VSTM5: variants seen among roughly 807,000 people sequenced by gnomAD.
VSTM5 encodes the protein V-set and transmembrane domain-containing protein 5.
Under a neutral mutation model 20.3 loss-of-function variants are expected in VSTM5, and 21 were observed. The observed-to-expected ratio is 1.03, with a 90% CI of 0.73 to 1.49. The LOEUF is 1.49. VSTM5 is among the 40% of genes most tolerant of loss of function. VSTM5 has a pLI of 0.00. For missense variants in VSTM5, 219 were observed against 250.0 expected (o/e 0.88, Z 0.84); for synonymous variants, 100 against 102.5 (o/e 0.98, Z 0.14).
chr11:93,829,546 G>T (rs1157212866), intron 1 of VSTM5, among the ~76,000 whole-genome samples: 1 of 152,108 alleles, frequency 6.6e-6, no homozygotes, highest in Non-Finnish European at 1.5e-5. Flanking sequence ...AAGAAAAAAA[G>T]AAATATTGAA....
chr11:93,829,649 C>A (rs575618726), intron 1 of VSTM5, among the ~76,000 whole-genome samples: 15 of 152,298 alleles, frequency 9.8e-5, no homozygotes, highest in African/African-American at 3.6e-4. Context: ...CCAGCCCTGA[C>A]AGGCTGAGGG....
intron 1 of VSTM5, among the ~76,000 whole-genome samples, chr11:93,836,706 G>C (rs1011928792): frequency 6.6e-6 from 1 of 152,170 alleles, no homozygotes; most frequent in Non-Finnish European, 1.5e-5. Context: ...CAGTTTGTAA[G>C]TATACACTTG....
intron 1 of VSTM5, among the ~76,000 whole-genome samples, chr11:93,838,684 C>T (rs1298758721): frequency 1.3e-5 from 2 of 149,370 alleles, no homozygotes; most frequent in Non-Finnish European, 3.0e-5. Context: ...GTGTTCCCAG[C>T]TACTGGGGAG....
intron 1 of VSTM5, among the ~76,000 whole-genome samples, chr11:93,833,927 C>T (rs913324814): frequency 6.6e-6 from 1 of 151,998 alleles, no homozygotes; most frequent in Non-Finnish European, 1.5e-5. Flanking sequence ...TCCCCTTGGC[C>T]TCATCAGTCC....
chr11:93,846,769 T>TA (rs1944414193), intron 1 of VSTM5, among the ~76,000 whole-genome samples: 2 of 84,206 alleles, frequency 2.4e-5, no homozygotes, highest in South Asian at 8.1e-4. Context: ...TTTTTTAATT[T>TA]TTTTTTTTTT....
At chr11:93,846,336 A>G (rs991139822) in intron 1 of VSTM5, among the ~76,000 whole-genome samples, 18 of 152,180 alleles carry the variant, frequency 1.2e-4, no homozygotes, top group African/African-American at 4.3e-4. Flanking sequence ...CATACTCAGG[A>G]AGGCTCTTGG....
intron 1 of VSTM5, among the ~76,000 whole-genome samples, chr11:93,843,786 G>A (rs1159008555): frequency 5.3e-5 from 8 of 152,150 alleles, no homozygotes. Flanking sequence ...ACAGACCTCA[G>A]TAATCTGGTC....
chr11:93,846,794 G>C (rs1944415435), intron 1 of VSTM5, among the ~76,000 whole-genome samples: 1 of 141,880 alleles, frequency 7.0e-6, no homozygotes, highest in Admixed American at 7.5e-5. Context: ...TTGAGATGGA[G>C]TCTCACTCTG....
At chr11:93,841,522 C>T (rs188222878) in intron 1 of VSTM5, among the ~76,000 whole-genome samples, 41 of 152,336 alleles carry the variant, frequency 2.7e-4, no homozygotes, top group African/African-American at 9.6e-4. Context: ...GCATTTGGCT[C>T]CATTAGAACC....
intron 1 of VSTM5, among the ~76,000 whole-genome samples, chr11:93,825,345 T>C (rs185803161): frequency 5.9e-5 from 9 of 152,314 alleles, no homozygotes; most frequent in South Asian, 2.1e-4. Context: ...AACTTTTGTA[T>C]TTTTTGTAGA....
intron 1 of VSTM5, among the ~76,000 whole-genome samples, chr11:93,828,469 G>A (rs773300434): frequency 2.6e-5 from 4 of 152,010 alleles, no homozygotes; most frequent in African/African-American, 7.3e-5. Flanking sequence ...TGTACTTTTC[G>A]TTTTTTTAAA....
rs935922115 is a variant in VSTM5 at position 93,827,123 on chromosome 11, C to T, written c.92-5800G>A. On this transcript the variant is annotated intron_variant, in intron 1 of 3. Transcript: ENST00000409977. ...AACAGGCCGGACACGGTGGCTCATGCCTGTAATCCCAGCACTTTGGGAGGC... is the reference window on the plus strand; with the variant it reads ...AACAGGCCGGACACGGTGGCTCATGTCTGTAATCCCAGCACTTTGGGAGGC... Among the ~76,000 whole-genome samples the T allele has an allele frequency of 1.1e-3, 162 of 152,326 alleles. 1 individual carries two copies. Among genetic ancestry groups the T allele is most frequent in the African/African-American group, 3.8e-3 (156 of 41,580 alleles).
At chr11:93,834,963 T>C (rs778347679) in intron 1 of VSTM5, among the ~76,000 whole-genome samples, 4 of 152,060 alleles carry the variant, frequency 2.6e-5, no homozygotes, top group Non-Finnish European at 4.4e-5. Flanking sequence ...TAGTGGGTTA[T>C]CATGAGAATG....
intron 1 of VSTM5, among the ~76,000 whole-genome samples, chr11:93,828,899 G>A (rs907920076): frequency 6.6e-6 from 1 of 152,192 alleles, no homozygotes; most frequent in Non-Finnish European, 1.5e-5. Flanking sequence ...TGGCAGGGAG[G>A]TGTAGTGGAG....
chr11:93,830,149 G>C (rs1165595494), intron 1 of VSTM5, among the ~76,000 whole-genome samples: 2 of 152,160 alleles, frequency 1.3e-5, no homozygotes, highest in African/African-American at 2.4e-5. Context: ...GTGTGGGGCA[G>C]GGTGGGGGCA....
At chr11:93,827,282 C>G (rs1200965298) in intron 1 of VSTM5, among the ~76,000 whole-genome samples, 3 of 152,158 alleles carry the variant, frequency 2.0e-5, no homozygotes, top group Non-Finnish European at 4.4e-5. Context: ...ACTCAGGAGG[C>G]TGAGGCAGGA....
At chr11:93,847,039 A>C (rs539990620) in intron 1 of VSTM5, among the ~76,000 whole-genome samples, 1 of 152,292 alleles carries the variant, frequency 6.6e-6, no homozygotes, top group East Asian at 1.9e-4. Context: ...TGCTGGGATT[A>C]CAGGCATGAG....
At chr11:93,828,285 A>G (rs1944254360) in intron 1 of VSTM5, among the ~76,000 whole-genome samples, 1 of 152,192 alleles carries the variant, frequency 6.6e-6, no homozygotes, top group African/African-American at 2.4e-5. Flanking sequence ...AACCTGAACC[A>G]AAGGGCTTCC....
Position 93,821,090 on chromosome 11 carries a change from T to C in VSTM5, c.325A>G (p.Ser109Gly). 6 of 1,551,898 alleles carry C rather than the reference T, an allele frequency of 3.9e-6. No individual in the cohort carries two copies. Among genetic ancestry groups the C allele is most frequent in the Non-Finnish European group, 5.2e-6 (6 of 1,147,038 alleles). ...TAGCCGGAATCCCTCACTCCCACGC[T>C]GAAGAGCTGGATGGAGCCGTTGTCA... The part of the protein sequence containing the change: ...TFDNGSIQLF[S>G]VGVRDSGYYV... Residue 109 changes from serine to glycine, a missense_variant, in exon 2 of 4, where the codon AGC becomes GGC. Coordinates refer to ENST00000409977, the MANE Select transcript of VSTM5 (RefSeq NM_001144871.2).
Sources: allele counts gnomAD v4.1 joint callset (sites outside exome capture counted in the v4.1 genomes callset), GRCh38; gene constraint gnomAD v4.1.1; transcripts MANE v1.5; gene names NCBI Gene and HGNC (gene_info 2026-07-23, HGNC 2026-07-21).